The following MCUB variants were observed in gnomAD, a reference collection of about 807,000 sequenced individuals.
The protein encoded by MCUB is mitochondrial calcium uniporter dominant negative subunit beta.
A neutral mutation model predicts 41.4 loss-of-function variants in MCUB; 46 were observed. That is an observed-to-expected ratio of 1.11 (90% CI 0.88 to 1.42). The LOEUF (loss-of-function observed/expected upper bound fraction) is 1.42, where lower values mean the gene tolerates loss of function less well. Ranked by LOEUF, MCUB falls within the 40% of genes most tolerant of loss-of-function variation. MCUB has a pLI of 0.00. For synonymous variants in MCUB, 148 were observed against 148.2 expected, an observed-to-expected ratio of 1.00 and a Z score of 0.01; for missense variants, 403 against 404.9, an observed-to-expected ratio of 1.00 and a Z score of 0.04.
chr4:109,640,512 C>T (rs1398841437), intron 1 of MCUB, among the ~76,000 whole-genome samples: 1 of 152,238 alleles, frequency 6.6e-6, no homozygotes, highest in African/African-American at 2.4e-5. Flanking sequence ...TTCTGGATAA[C>T]TTGCTCCAAC....
intron 1 of MCUB, among the ~76,000 whole-genome samples, chr4:109,579,092 A>T (rs991108983): frequency 2.0e-5 from 3 of 152,152 alleles, no homozygotes; most frequent in African/African-American, 7.2e-5. Flanking sequence ...ATGATTTGTT[A>T]CTTCTGTTAG....
chr4:109,669,707 T>A (rs1729415135), intron 4 of MCUB, among the ~76,000 whole-genome samples: 3 of 151,988 alleles, frequency 2.0e-5, no homozygotes, highest in Admixed American at 2.0e-4. Flanking sequence ...GGTTTTTTTT[T>A]TTTCAGTCTT....
Position 109,560,310 on chromosome 4 carries a change from G to A in MCUB, c.-28G>A. ...GAGGGAGGATGCGCCGCTGACGCCTGCGGGAGCCGCGCGCCTGGGGCGGGA... is the reference window on the plus strand; with the variant it reads ...GAGGGAGGATGCGCCGCTGACGCCTACGGGAGCCGCGCGCCTGGGGCGGGA... On this transcript the variant is annotated 5_prime_UTR_variant, in exon 1 of 8. Transcript: ENST00000394650. 6 of 1,179,880 alleles carry A rather than the reference G, an allele frequency of 5.1e-6. No homozygotes were observed. Among genetic ancestry groups the A allele is most frequent in the Non-Finnish European group, 6.4e-6 (6 of 935,196 alleles). The allele number at this position is 1,179,880 out of a possible 1,614,324, so 73.1% of individuals were successfully genotyped here.
chr4:109,578,055 C>G (rs1159084669), intron 1 of MCUB, among the ~76,000 whole-genome samples: 3 of 152,162 alleles, frequency 2.0e-5, no homozygotes, highest in African/African-American at 7.2e-5. Context: ...AATATGACTT[C>G]AAATAATCCA....
In MCUB at chr4:109,685,283, A is replaced by G. The variant is rs760377369; in HGVS notation, c.849A>G (p.Gln283=). 26 of 1,564,266 alleles carry G rather than the reference A, an allele frequency of 1.7e-5. 1 individual carries two copies. Among genetic ancestry groups the G allele is most frequent in the Middle Eastern group, 1.7e-4 (1 of 5,900 alleles). The change falls in exon 7 of 8, where the codon CAA becomes CAG. Residue 283 remains glutamine (Q), a synonymous_variant. Transcript: ENST00000394650. The part of the protein sequence containing the change: ...DYTYSAVKSR[Q]FLQFFHKKSK... ...CTTACTCAGCTGTTAAGAGTAGGCA[A>G]TTTCTTCAGTTCTTCCACAAGAAAT... is the stretch of plus-strand genomic sequence containing the variant.
intron 4 of MCUB, among the ~76,000 whole-genome samples, chr4:109,681,279 G>A (rs1729710335): frequency 2.0e-5 from 3 of 152,190 alleles, no homozygotes; most frequent in Non-Finnish European, 2.9e-5. Context: ...AAAGGTCCTT[G>A]AGTCTCTGGG....
Position 109,684,474 on chromosome 4 carries a change from C to T in MCUB, c.644C>T (p.Ala215Val). The T allele has an allele frequency of 6.2e-7, 1 of 1,612,838 alleles. No individual in the cohort carries two copies. ...VKAGIEAHSE[A>V]KTSGLLWAGL... ...GCTGGAATAGAAGCTCATTCGGAAG[C>T]CAAAACCAGTGGACTCCTGTGGGCT... Residue 215 changes from alanine (A) to valine (V), a missense_variant, in exon 6 of 8, where the codon GCC becomes GTC. Coordinates refer to ENST00000394650, the MANE Select transcript of MCUB (RefSeq NM_017918.5).
chr4:109,677,802 ATTTTTTTTTTTT>A (rs71595506), intron 4 of MCUB, among the ~76,000 whole-genome samples: 1,451 of 86,642 alleles, frequency 0.017, 40 homozygotes, highest in African/African-American at 0.064. Flanking sequence ...AAGGAAACAA[ATTTTTTTTTTTT>A]TTTTTTTTTT....
At chr4:109,597,956 G>A (rs568854391) in intron 1 of MCUB, among the ~76,000 whole-genome samples, 66,312 of 142,456 alleles carry the variant, frequency 0.47, 14,498 homozygotes, top group South Asian at 0.57. Context: ...CATCCCAGAT[G>A]GGGCGGCGGG....
intron 4 of MCUB, among the ~76,000 whole-genome samples, chr4:109,667,526 G>A (rs1007612339): frequency 1.3e-5 from 2 of 151,118 alleles, no homozygotes; most frequent in Non-Finnish European, 3.0e-5. Flanking sequence ...TTTTTCCAAA[G>A]AACTAGCTTT....
At chr4:109,642,783 G>A (rs936157404) in intron 1 of MCUB, among the ~76,000 whole-genome samples, 1 of 151,884 alleles carries the variant, frequency 6.6e-6, no homozygotes, top group Non-Finnish European at 1.5e-5. Context: ...TTAAAGAGAT[G>A]AAGACTGAAA....
intron 1 of MCUB, among the ~76,000 whole-genome samples, chr4:109,563,322 CT>C (rs918653221): frequency 2.6e-5 from 4 of 152,242 alleles, no homozygotes; most frequent in Middle Eastern, 3.4e-3. Flanking sequence ...ATCGAGTATG[CT>C]TTTTTTAACT....
chr4:109,680,255 G>A (rs964834079), intron 4 of MCUB, among the ~76,000 whole-genome samples: 1 of 152,188 alleles, frequency 6.6e-6, no homozygotes, highest in African/African-American at 2.4e-5. Flanking sequence ...GGTATGAGAA[G>A]TTTATTTCTC....
chr4:109,560,471 T>C, intron 1 of MCUB, 35 bp downstream of exon 1: 3 of 1,034,470 alleles, frequency 2.9e-6, no homozygotes, highest in Non-Finnish European at 3.8e-6. Flanking sequence ...GGGTTCGGGG[T>C]AGGCTGGTGC....
intron 1 of MCUB, among the ~76,000 whole-genome samples, chr4:109,646,899 A>G (rs932489034): frequency 2.0e-5 from 3 of 152,162 alleles, no homozygotes; most frequent in Admixed American, 6.5e-5. Flanking sequence ...ATATTTTTTC[A>G]TTAAAATGTA....
At chr4:109,620,805 A>G (rs1247517779) in intron 1 of MCUB, among the ~76,000 whole-genome samples, 1 of 152,148 alleles carries the variant, frequency 6.6e-6, no homozygotes, top group Admixed American at 6.5e-5. Context: ...GGTAGTCAAG[A>G]GGCAACTTTA....
intron 5 of MCUB, 45 bp downstream of exon 5, chr4:109,682,787 T>A: frequency 6.8e-7 from 1 of 1,469,458 alleles, no homozygotes; most frequent in Non-Finnish European, 9.4e-7. Context: ...TAATACCTAG[T>A]GTTTATTGAG....
intron 1 of MCUB, among the ~76,000 whole-genome samples, chr4:109,649,476 C>T (rs981447485): frequency 6.6e-6 from 1 of 152,044 alleles, no homozygotes; most frequent in Non-Finnish European, 1.5e-5. Flanking sequence ...GTTTTAGTCG[C>T]TCAGTCTCAG....
chr4:109,638,543 A>T (rs902963465), intron 1 of MCUB, among the ~76,000 whole-genome samples: 1 of 151,998 alleles, frequency 6.6e-6, no homozygotes, highest in African/African-American at 2.4e-5. Flanking sequence ...ATGGCTGATG[A>T]CTGATCAGGA....
Sources: allele counts gnomAD v4.1 joint callset (sites outside exome capture counted in the v4.1 genomes callset), GRCh38; gene constraint gnomAD v4.1.1; transcripts MANE v1.5; gene names NCBI Gene and HGNC (gene_info 2026-07-23, HGNC 2026-07-21).